The following EPB41 variants were observed in gnomAD, a reference collection of about 807,000 sequenced individuals.
EPB41 encodes the protein erythrocyte membrane protein band 4.1.
Under a neutral mutation model 108.0 loss-of-function variants are expected in EPB41, and 65 were observed. The ratio of observed to expected loss-of-function variants is 0.60; its 90% confidence interval spans 0.49 to 0.74. The LOEUF is 0.74. EPB41 is among the 30% of genes least tolerant of loss of function. EPB41 has a pLI of 0.00. For missense variants in EPB41, 875 were observed against 1,037.0 expected, an observed-to-expected ratio of 0.84 and a Z score of 2.15; for synonymous variants, 336 against 358.9, an observed-to-expected ratio of 0.94 and a Z score of 0.72.
rs1282527629 is a variant in EPB41 at position 28,893,170 on chromosome 1, C to T, written c.-8+5960C>T. 2.0e-5 allele frequency among the ~76,000 whole-genome samples: 3 copies of T among 152,000 alleles called. No individual in the cohort carries two copies. In the East Asian group the frequency reaches 5.8e-4, roughly 29 times the overall value. On this transcript the variant is annotated intron_variant, in intron 1 of 16. Coordinates refer to the EPB41 transcript ENST00000347529. Reference sequence around the variant, plus strand: ...GATCACGGCTCACTTCAGCCTTGACCTCCTGGGCTCAAGGGAGCCTCCTAC... The same window carrying T: ...GATCACGGCTCACTTCAGCCTTGACTTCCTGGGCTCAAGGGAGCCTCCTAC...
intron 9 of EPB41, 122 bp from the exon 10 acceptor site, chr1:29,035,704 T>A: frequency 1.4e-6 from 1 of 733,762 alleles, no homozygotes; most frequent in South Asian, 1.8e-5. Flanking sequence ...ACATTTTATG[T>A]CCTTAAATTG....
chr1:28,991,702 C>CA (rs59227691), intron 2 of EPB41, among the ~76,000 whole-genome samples: 22,169 of 98,182 alleles, frequency 0.23, 2,814 homozygotes, highest in East Asian at 0.48. Context: ...ACTCTTGTCT[C>CA]AAAAAAAAAA....
chr1:28,938,146 G>A (rs2094123376), intron 1 of EPB41, among the ~76,000 whole-genome samples: 1 of 152,160 alleles, frequency 6.6e-6, no homozygotes, highest in South Asian at 2.1e-4. Flanking sequence ...TCCTCTAACT[G>A]TGGTCTTATT....
intron 1 of EPB41, among the ~76,000 whole-genome samples, chr1:28,951,383 C>T (rs932392538): frequency 6.6e-6 from 1 of 150,696 alleles, no homozygotes; most frequent in African/African-American, 2.4e-5. Flanking sequence ...CACACACACA[C>T]ACACACACAC....
chr1:29,059,642 G>T (rs188101546), intron 14 of EPB41, among the ~76,000 whole-genome samples: 6 of 151,454 alleles, frequency 4.0e-5, no homozygotes, highest in African/African-American at 1.5e-4. Context: ...GCCAGGCATG[G>T]TGATACACTC....
intron 1 of EPB41, among the ~76,000 whole-genome samples, chr1:28,895,130 A>G (rs2090530655): frequency 6.6e-6 from 1 of 152,186 alleles, no homozygotes. Context: ...TTGTTTAATT[A>G]GAAAATAGGT....
At chr1:28,943,889 A>G (rs1278019992) in intron 1 of EPB41, among the ~76,000 whole-genome samples, 2 of 152,224 alleles carry the variant, frequency 1.3e-5, no homozygotes, top group Admixed American at 1.3e-4. Flanking sequence ...GGAAATTAAT[A>G]TAACAAAGAG....
chr1:29,034,402 T>C (rs1244427875), intron 9 of EPB41, among the ~76,000 whole-genome samples: 1 of 152,166 alleles, frequency 6.6e-6, no homozygotes, highest in Non-Finnish European at 1.5e-5. Context: ...AGAAAAAGTA[T>C]TGTGGCAGCA....
intron 3 of EPB41, among the ~76,000 whole-genome samples, chr1:28,993,887 C>A (rs922137814): frequency 2.0e-5 from 3 of 151,922 alleles, no homozygotes; most frequent in African/African-American, 7.3e-5. Flanking sequence ...GAAGTCCGGG[C>A]CTCAAGTGAT....
chr1:28,998,183 T>C (rs2096226191), intron 4 of EPB41, among the ~76,000 whole-genome samples: 2 of 152,138 alleles, frequency 1.3e-5, no homozygotes, highest in East Asian at 3.8e-4. Context: ...GGAAGTCTCC[T>C]CTGGGGAGGT....
chr1:28,906,853 G>A (rs940209692), intron 1 of EPB41, among the ~76,000 whole-genome samples: 4 of 148,728 alleles, frequency 2.7e-5, no homozygotes, highest in Non-Finnish European at 4.4e-5. Context: ...TCAGCTCACT[G>A]CAAGCTCTGC....
intron 1 of EPB41, among the ~76,000 whole-genome samples, chr1:28,921,211 A>G (rs964072435): frequency 6.6e-6 from 1 of 152,088 alleles, no homozygotes; most frequent in South Asian, 2.1e-4. Context: ...ACTTACATAT[A>G]CTCTTAAGTA....
chr1:29,109,466 G>A (rs923595309), intron 18 of EPB41, 29 bp downstream of exon 18: 6 of 1,589,510 alleles, frequency 3.8e-6, no homozygotes, highest in African/African-American at 1.3e-5. Flanking sequence ...CCTCTTTATG[G>A]AACCCAGGGG....
intron 1 of EPB41, among the ~76,000 whole-genome samples, chr1:28,961,566 A>G (rs1038493): frequency 0.31 from 47,698 of 152,062 alleles, 9,027 homozygotes; most frequent in East Asian, 0.85. Context: ...AATTGTATCT[A>G]TTTTGATAAC....
chr1:28,982,868 T>G (rs762862335), intron 1 of EPB41, among the ~76,000 whole-genome samples: 5 of 152,184 alleles, frequency 3.3e-5, no homozygotes, highest in Non-Finnish European at 5.9e-5. Context: ...TCTGTTATGT[T>G]TTTATGTTTC....
chr1:29,087,116 G>T (rs1659343053), intron 16 of EPB41, among the ~76,000 whole-genome samples: 1 of 151,422 alleles, frequency 6.6e-6, no homozygotes, highest in South Asian at 2.1e-4. Flanking sequence ...TAATTTTTTG[G>T]AGTTTTAGTA....
chr1:29,037,678 A>G (rs1270399792), intron 10 of EPB41, among the ~76,000 whole-genome samples: 5 of 151,522 alleles, frequency 3.3e-5, no homozygotes, highest in African/African-American at 4.9e-5. Flanking sequence ...CTGGGACTAT[A>G]GATGCATACC....
In EPB41 at chr1:28,938,535, AT is replaced by A. The variant is rs35883902; in HGVS notation, c.-8+23782del. On this transcript the variant is annotated intron_variant, in intron 1 of 20. Transcript: ENST00000343067. The stretch of plus-strand genomic sequence containing the variant: ...ATATAGAAATACAGTTGATTTTTGA[AT>A]TTTTTTTTTTTTTTGACACAGTATC... Among the ~76,000 whole-genome samples, 521 of 144,996 alleles carry A rather than the reference AT, an allele frequency of 3.6e-3. 4 individuals are homozygous for A. Among genetic ancestry groups the A allele is most frequent in the South Asian group, 0.013 (59 of 4,616 alleles).
intron 16 of EPB41, chr1:29,068,839 A>T (rs901437679): frequency 1.2e-5 from 14 of 1,192,884 alleles, no homozygotes; most frequent in Non-Finnish European, 1.5e-5. Context: ...TTGTCATGGC[A>T]CTAAGCAGAT....
Sources: gnomAD v4.1 joint callset for allele counts (sites outside exome capture counted in the v4.1 genomes callset) on GRCh38, gnomAD v4.1.1 for gene constraint, MANE v1.5 for transcripts, NCBI Gene and HGNC (gene_info 2026-07-23, HGNC 2026-07-21) for gene names.